Variants in CDK19 observed in about 807,000 individuals in gnomAD.
The protein encoded by CDK19 is cyclin dependent kinase 19.
CDK19 carries 20 observed loss-of-function variants against 68.3 expected under a neutral mutation model. That is an observed-to-expected ratio of 0.29 (90% confidence interval 0.21 to 0.43). The LOEUF is 0.43. Among genes scored for constraint, CDK19 ranks in the 20% least tolerant of loss-of-function variants. The pLI, the probability that CDK19 is intolerant of heterozygous loss-of-function variation, is 1.00. For missense variants in CDK19, 339 were observed against 623.5 expected (o/e 0.54, Z 4.86); for synonymous variants, 221 against 222.8 (o/e 0.99, Z 0.07).
chr6:110,619,929 A>C (rs1778601088), intron 12 of CDK19, among the ~76,000 whole-genome samples: 1 of 152,242 alleles, frequency 6.6e-6, no homozygotes, highest in South Asian at 2.1e-4. Context: ...ACACAGGTTA[A>C]TATAATTCAA....
intron 2 of CDK19, among the ~76,000 whole-genome samples, chr6:110,729,417 T>C (rs999788930): frequency 6.7e-6 from 1 of 148,960 alleles, no homozygotes; most frequent in African/African-American, 2.5e-5. Context: ...GTTTATTTTA[T>C]GTTATTTTGT....
At chr6:110,744,684 A>G (rs1432597941) in intron 2 of CDK19, among the ~76,000 whole-genome samples, 1 of 152,256 alleles carries the variant, frequency 6.6e-6, no homozygotes, top group Non-Finnish European at 1.5e-5. Flanking sequence ...AGATAAAAAG[A>G]CAAGGTCTGC....
chr6:110,802,335 C>T (rs1782398021), intron 1 of CDK19, among the ~76,000 whole-genome samples: 1 of 152,194 alleles, frequency 6.6e-6, no homozygotes, highest in African/African-American at 2.4e-5. Context: ...CCATGGAATA[C>T]TATGCAGCCA....
chr6:110,661,920 A>C (rs1781640915), intron 4 of CDK19, among the ~76,000 whole-genome samples: 1 of 152,172 alleles, frequency 6.6e-6, no homozygotes, highest in Non-Finnish European at 1.5e-5. Flanking sequence ...CACTAATGTG[A>C]AAAGAGCTTT....
upstream of CDK19, chr6:110,815,574 G>C: frequency 6.5e-6 from 1 of 154,358 alleles, no homozygotes; most frequent in Non-Finnish European, 1.4e-5. Flanking sequence ...AGGTTACCTC[G>C]GGCCACCACA....
At chr6:110,638,187 T>A (rs1290719216) in intron 5 of CDK19, among the ~76,000 whole-genome samples, 1 of 152,128 alleles carries the variant, frequency 6.6e-6, no homozygotes, top group Non-Finnish European at 1.5e-5. Context: ...GGAAAAGGTA[T>A]GTTAGTACTT....
At chr6:110,617,662 TACACAC>T (rs561387463) in intron 12 of CDK19, among the ~76,000 whole-genome samples, 16,026 of 107,050 alleles carry the variant, frequency 0.15, 1,352 homozygotes, top group South Asian at 0.34. Context: ...TATATATATA[TACACAC>T]ACACACACAC....
intron 1 of CDK19, among the ~76,000 whole-genome samples, chr6:110,779,295 C>T (rs1269278754): frequency 6.6e-6 from 1 of 152,174 alleles, no homozygotes; most frequent in East Asian, 1.9e-4. Flanking sequence ...CCCAGTCTTT[C>T]TCCATGTATC....
At chr6:110,674,901 CAA>C (rs113776673) in intron 2 of CDK19, among the ~76,000 whole-genome samples, 29 of 92,116 alleles carry the variant, frequency 3.1e-4, no homozygotes, top group Admixed American at 3.6e-4. Context: ...GACTCTGTCT[CAA>C]AAAAAAAAAA....
At chr6:110,793,313 ACT>A (rs1472266798) in intron 1 of CDK19, among the ~76,000 whole-genome samples, 1 of 151,982 alleles carries the variant, frequency 6.6e-6, no homozygotes, top group Non-Finnish European at 1.5e-5. Flanking sequence ...ATCTAATATG[ACT>A]CTGTTCTCTT....
At chr6:110,779,120 G>A (rs939581843) in intron 1 of CDK19, among the ~76,000 whole-genome samples, 7 of 152,040 alleles carry the variant, frequency 4.6e-5, no homozygotes, top group African/African-American at 1.4e-4. Flanking sequence ...AATCAGAATC[G>A]TTAAATTCCT....
At chr6:110,671,850 T>C (rs1771037509) in intron 2 of CDK19, among the ~76,000 whole-genome samples, 1 of 152,162 alleles carries the variant, frequency 6.6e-6, no homozygotes, top group Non-Finnish European at 1.5e-5. Flanking sequence ...CAATCTCAGC[T>C]CACTGCAACC....
chr6:110,814,761 G>T (rs773742393), intron 1 of CDK19: 1 of 649,494 alleles, frequency 1.5e-6, no homozygotes, highest in Non-Finnish European at 2.8e-6. Context: ...CTCGGAGGGC[G>T]CCCCTCTGGG....
chr6:110,814,452 C>G (rs1269184438), intron 1 of CDK19: 1 of 361,810 alleles, frequency 2.8e-6, no homozygotes, highest in African/African-American at 2.3e-5. Context: ...ACGGGCCGGC[C>G]AGCCCGAAGG....
intron 1 of CDK19, among the ~76,000 whole-genome samples, chr6:110,809,436 T>C (rs2115151287): frequency 6.6e-6 from 1 of 152,078 alleles, no homozygotes; most frequent in East Asian, 1.9e-4. Flanking sequence ...GGAGGATCAC[T>C]TGAGCCCAGG....
intron 12 of CDK19, among the ~76,000 whole-genome samples, chr6:110,619,688 C>T (rs1172811501): frequency 6.6e-6 from 1 of 151,918 alleles, no homozygotes; most frequent in Non-Finnish European, 1.5e-5. Flanking sequence ...AGCCAGAGAC[C>T]TTTTATCCTG....
chr6:110,785,074 C>CAAAAAAA (rs66578190), intron 1 of CDK19, among the ~76,000 whole-genome samples: 1 of 64,938 alleles, frequency 1.5e-5, no homozygotes, highest in Non-Finnish European at 3.6e-5. Context: ...ACTGAATTGT[C>CAAAAAAA]AAAAAAAAAA....
At chr6:110,795,131 T>C (rs551471193) in intron 1 of CDK19, among the ~76,000 whole-genome samples, 35 of 152,154 alleles carry the variant, frequency 2.3e-4, no homozygotes. Context: ...TCACCATGCC[T>C]GGATAATTTT....
At chr6:110,772,141 C>A (rs1031037257) in intron 1 of CDK19, among the ~76,000 whole-genome samples, 1 of 152,074 alleles carries the variant, frequency 6.6e-6, no homozygotes, top group Admixed American at 6.6e-5. Flanking sequence ...TATATTAGTC[C>A]GTTTTCATGC....
Sources: allele counts gnomAD v4.1 joint callset (sites outside exome capture counted in the v4.1 genomes callset), GRCh38; gene constraint gnomAD v4.1.1; transcripts MANE v1.5; gene names NCBI Gene and HGNC (gene_info 2026-07-23, HGNC 2026-07-21).